The following PLXDC2 variants were observed in gnomAD, a reference collection of about 807,000 sequenced individuals.
PLXDC2 encodes plexin domain-containing protein 2.
A neutral mutation model predicts 68.9 loss-of-function variants in PLXDC2; 40 were observed. The ratio of observed to expected loss-of-function variants is 0.58; its 90% confidence interval spans 0.45 to 0.76. The LOEUF (loss-of-function observed/expected upper bound fraction) is 0.76. Among genes scored for constraint, PLXDC2 ranks in the 30% least tolerant of loss-of-function variants. The pLI is 0.00. For missense variants in PLXDC2, 644 were observed against 661.9 expected, an observed-to-expected ratio of 0.97 and a Z score of 0.30; for synonymous variants, 243 against 234.2, an observed-to-expected ratio of 1.04 and a Z score of -0.34.
intron 1 of PLXDC2, among the ~76,000 whole-genome samples, chr10:19,916,169 C>G (rs1191234949): frequency 2.0e-5 from 3 of 147,378 alleles, no homozygotes; most frequent in African/African-American, 7.5e-5. Flanking sequence ...CACTCTGTCA[C>G]CTAGGCTGGA....
chr10:20,204,351 T>C (rs2131850698), intron 9 of PLXDC2, among the ~76,000 whole-genome samples: 1 of 152,286 alleles, frequency 6.6e-6, no homozygotes, highest in South Asian at 2.1e-4. Flanking sequence ...CTATTTTATG[T>C]CATAATAAAA....
intron 4 of PLXDC2, among the ~76,000 whole-genome samples, chr10:20,124,904 C>G (rs553181534): frequency 6.6e-6 from 1 of 152,136 alleles, no homozygotes; most frequent in African/African-American, 2.4e-5. Context: ...CAGGGAATAT[C>G]ATGGCTCAGC....
Position 20,287,981 on chromosome 10 carries a change from G to GT in PLXDC2, c.*8162_*8163insT, listed in dbSNP as rs1554781447. 4.3e-5 allele frequency: 4 copies of GT among 93,666 alleles called. No individual in the cohort carries two copies. The highest frequency in any genetic ancestry group is 1.2e-3 in the South Asian group (2 of 1,616). 5.8% of individuals were successfully genotyped at this position (93,666 alleles called of 1,614,324 possible). A position where few individuals can be genotyped will look rare whatever the true frequency, so the allele number is the denominator to read the frequency against. On this transcript the variant is annotated 3_prime_UTR_variant, in exon 14 of 14. Coordinates refer to ENST00000377252, the MANE Select transcript of PLXDC2 (RefSeq NM_032812.9). ...AAGAAATTGGGCACTTCTTGCGGCG[G>GT]GGGAGGGGGGGGGGGCGGTGGCTTT...
Position 20,001,961 on chromosome 10 carries a change from G to C in PLXDC2, c.299G>C (p.Gly100Ala). 1 of 1,612,544 alleles carries C rather than the reference G, an allele frequency of 6.2e-7. No individual in the cohort carries two copies. The highest frequency in any genetic ancestry group is 8.5e-7 in the Non-Finnish European group (1 of 1,179,896). The change falls in exon 2 of 14, where the codon GGG (glycine) becomes GCG (alanine). Residue 100 changes from glycine (G) to alanine (A), a missense_variant. Coordinates refer to ENST00000377252, the MANE Select transcript of PLXDC2 (RefSeq NM_032812.9). Reference protein sequence around the residue: ...RSFTDLLLDDGQDNNTQIEED... With the variant: ...RSFTDLLLDDAQDNNTQIEED... The stretch of plus-strand genomic sequence containing the variant: ...TTCACAGACCTGCTGCTGGATGATG[G>C]GCAGGACAATAACACTCAGATCGAG...
chr10:19,988,296 A>C (rs959094519), intron 1 of PLXDC2, among the ~76,000 whole-genome samples: 2 of 152,064 alleles, frequency 1.3e-5, no homozygotes, highest in Non-Finnish European at 2.9e-5. Flanking sequence ...AAAATTGGGA[A>C]CCTCTTTTGG....
chr10:20,104,803 AGCACT>A (rs1833468908), intron 4 of PLXDC2, among the ~76,000 whole-genome samples: 1 of 152,120 alleles, frequency 6.6e-6, no homozygotes. Context: ...CTGTAATCCC[AGCACT>A]GCGGGAAGCT....
intron 11 of PLXDC2, 139 bp from the exon 12 acceptor site, chr10:20,218,925 C>A: frequency 2.2e-6 from 2 of 908,124 alleles, no homozygotes; most frequent in Non-Finnish European, 3.3e-6. Flanking sequence ...TCTCATTGCA[C>A]TAGAAATTAC....
chr10:20,059,276 ACT>A (rs1836056676), intron 3 of PLXDC2, among the ~76,000 whole-genome samples: 8 of 152,000 alleles, frequency 5.3e-5, no homozygotes, highest in Admixed American at 5.2e-4. Flanking sequence ...GAACAGCTGG[ACT>A]CTCTGAATTC....
chr10:20,072,481 CAAAG>C (rs138397067), intron 4 of PLXDC2, among the ~76,000 whole-genome samples: 1,872 of 72,594 alleles, frequency 0.026, 145 homozygotes, highest in East Asian at 0.076. Context: ...AAAGAAGGAA[CAAAG>C]AAAGAAAGAG....
intron 4 of PLXDC2, among the ~76,000 whole-genome samples, chr10:20,141,392 G>T (rs1309835192): frequency 6.6e-6 from 1 of 152,066 alleles, no homozygotes; most frequent in Non-Finnish European, 1.5e-5. Flanking sequence ...TTACAAAGTT[G>T]TCTTGGAGAA....
At chr10:20,111,657 T>C (rs1833562189) in intron 4 of PLXDC2, among the ~76,000 whole-genome samples, 1 of 152,188 alleles carries the variant, frequency 6.6e-6, no homozygotes, top group South Asian at 2.1e-4. Flanking sequence ...TTCAAACTAG[T>C]TAAGGATGAC....
At chr10:20,101,840 C>A (rs541254601) in intron 4 of PLXDC2, among the ~76,000 whole-genome samples, 1 of 151,566 alleles carries the variant, frequency 6.6e-6, no homozygotes, top group Non-Finnish European at 1.5e-5. Context: ...CTCTGTTGCC[C>A]AGGCTGGAGT....
chr10:19,872,844 G>A (rs1441176067), intron 1 of PLXDC2, among the ~76,000 whole-genome samples: 1 of 152,112 alleles, frequency 6.6e-6, no homozygotes, highest in Non-Finnish European at 1.5e-5. Flanking sequence ...CACACCATTT[G>A]TTGCACCCTG....
At chr10:20,173,902 T>A (rs1253805832) in intron 7 of PLXDC2, among the ~76,000 whole-genome samples, 2 of 152,170 alleles carry the variant, frequency 1.3e-5, no homozygotes, top group African/African-American at 4.8e-5. Context: ...CAAACAACAA[T>A]AATTCTCATT....
intron 1 of PLXDC2, among the ~76,000 whole-genome samples, chr10:19,959,184 A>G (rs941082407): frequency 6.6e-5 from 10 of 152,182 alleles, no homozygotes; most frequent in African/African-American, 2.4e-4. Flanking sequence ...CTTCCATAAA[A>G]ATCCCACTGT....
At chr10:19,829,421 G>T (rs1385320611) in intron 1 of PLXDC2, among the ~76,000 whole-genome samples, 1 of 152,054 alleles carries the variant, frequency 6.6e-6, no homozygotes, top group Admixed American at 6.6e-5. Context: ...AAAGAGTTTT[G>T]TTGATACTTT....
rs1374406660 is a variant in PLXDC2 at position 19,926,946 on chromosome 10, G to T, written c.113-74829G>T. 3.3e-5 allele frequency among the ~76,000 whole-genome samples: 5 copies of T among 152,154 alleles called. No individual in the cohort carries two copies. In the South Asian group the frequency reaches 8.3e-4, roughly 25 times the overall value. ...TTCCTCAATGTGAATCATGATTGTT[G>T]TCCTAAGTCTTTCTGTCTCTTTCCT... On this transcript the variant is annotated intron_variant, in intron 1 of 13. Transcript: ENST00000377252.
At chr10:19,911,938 G>T (rs1397191298) in intron 1 of PLXDC2, among the ~76,000 whole-genome samples, 1 of 152,160 alleles carries the variant, frequency 6.6e-6, no homozygotes. Flanking sequence ...TCTCTGAAAT[G>T]TCTGTCTGCT....
intron 1 of PLXDC2, among the ~76,000 whole-genome samples, chr10:19,863,053 A>C (rs1180649967): frequency 1.3e-5 from 2 of 152,048 alleles, no homozygotes. Flanking sequence ...TTGTGCTATT[A>C]TTTTTAGAGG....
Sources: gnomAD v4.1 joint callset for allele counts (sites outside exome capture counted in the v4.1 genomes callset) on GRCh38, gnomAD v4.1.1 for gene constraint, MANE v1.5 for transcripts, NCBI Gene and HGNC (gene_info 2026-07-23, HGNC 2026-07-21) for gene names.